The following EXOC6B variants were observed in gnomAD, a reference collection of about 807,000 sequenced individuals.
The protein encoded by EXOC6B is exocyst complex component 6B.
A neutral mutation model predicts 113.5 loss-of-function variants in EXOC6B; 54 were observed. That is an observed-to-expected ratio of 0.48 (90% CI 0.38 to 0.60). EXOC6B has a LOEUF of 0.60. EXOC6B is among the 20% of genes least tolerant of loss of function. The pLI, the probability that EXOC6B is intolerant of heterozygous loss-of-function variation, is 0.00. For synonymous variants in EXOC6B, 357 were observed against 339.0 expected (o/e 1.05, Z -0.58); for missense variants, 797 against 977.5 (o/e 0.82, Z 2.46).
At chr2:72,180,519 G>T (rs1403150990) in intron 21 of EXOC6B, among the ~76,000 whole-genome samples, 1 of 152,210 alleles carries the variant, frequency 6.6e-6, no homozygotes, top group Non-Finnish European at 1.5e-5. Flanking sequence ...AACATGCCAA[G>T]ACAGATTTCT....
At chr2:72,706,236 T>A (rs1433996306) in intron 6 of EXOC6B, among the ~76,000 whole-genome samples, 8 of 152,250 alleles carry the variant, frequency 5.3e-5, no homozygotes, top group East Asian at 1.9e-4. Context: ...TGGAGGAGAA[T>A]AATCACTTTC....
chr2:72,698,262 T>C (rs1319224743), intron 6 of EXOC6B, among the ~76,000 whole-genome samples: 1 of 152,122 alleles, frequency 6.6e-6, no homozygotes, highest in Non-Finnish European at 1.5e-5. Flanking sequence ...GAGAATGGAA[T>C]TAAAGCAATA....
chr2:72,350,294 A>G (rs1277188879), intron 19 of EXOC6B, among the ~76,000 whole-genome samples: 1 of 152,198 alleles, frequency 6.6e-6, no homozygotes, highest in Non-Finnish European at 1.5e-5. Context: ...TATATTTTCT[A>G]GTTTTCCTTC....
chr2:72,607,484 T>C (rs923740326), intron 6 of EXOC6B, among the ~76,000 whole-genome samples: 1 of 152,136 alleles, frequency 6.6e-6, no homozygotes, highest in African/African-American at 2.4e-5. Context: ...ACCTACTCAA[T>C]TTTTTTAAAT....
At position 72,208,785 on chromosome 2, in the gene EXOC6B, T is replaced by C. The variant is rs530406182; in HGVS notation, c.2197-24598A>G. On this transcript the variant is annotated intron_variant, in intron 20 of 21. Coordinates refer to ENST00000272427, the MANE Select transcript of EXOC6B (RefSeq NM_015189.3). The stretch of plus-strand genomic sequence containing the variant: ...TATTCTCTTACTAGAAATCTTCCAA[T>C]GTCACTAAGCATTAAGAAACTCCTT... Among the ~76,000 whole-genome samples, 6 of 152,302 alleles carry C rather than the reference T, an allele frequency of 3.9e-5. No individual in the cohort carries two copies. In the East Asian group the frequency reaches 1.2e-3, roughly 29 times the overall value.
At chr2:72,663,623 C>G (rs978101266) in intron 6 of EXOC6B, among the ~76,000 whole-genome samples, 1 of 151,880 alleles carries the variant, frequency 6.6e-6, no homozygotes, top group African/African-American at 2.4e-5. Flanking sequence ...CTGTTTGATT[C>G]CAAATGTATT....
At position 72,825,233 on chromosome 2, in the gene EXOC6B, T is replaced by G. The variant is rs1212498953; in HGVS notation, c.113+565A>C. Among the ~76,000 whole-genome samples the G allele has an allele frequency of 6.6e-6, 1 of 152,038 alleles. No homozygotes were observed. Among genetic ancestry groups the G allele is most frequent in the Non-Finnish European group, 1.5e-5 (1 of 68,014 alleles). The stretch of plus-strand genomic sequence containing the variant: ...GCTGCACCGTGGGCGAGGGTCGTCC[T>G]CGTAACAGGGAGGCAGGGATAAAGG... On this transcript the variant is annotated intron_variant, in intron 1 of 21. Transcript: ENST00000272427. The surrounding 1 kb of genome is among the most constrained non-coding windows in gnomAD (Gnocchi z 4.4).
intron 20 of EXOC6B, among the ~76,000 whole-genome samples, chr2:72,211,687 C>T (rs1473840289): frequency 2.6e-5 from 4 of 152,172 alleles, no homozygotes; most frequent in Non-Finnish European, 5.9e-5. Context: ...ATACATCTCC[C>T]TAATTCCCAT....
At chr2:72,413,720 G>T (rs1049238401) in intron 18 of EXOC6B, among the ~76,000 whole-genome samples, 1 of 151,912 alleles carries the variant, frequency 6.6e-6, no homozygotes, top group South Asian at 2.1e-4. Context: ...AAAAGATGGG[G>T]CCTCTCTATG....
intron 1 of EXOC6B, among the ~76,000 whole-genome samples, chr2:72,767,640 T>C (rs1683148053): frequency 6.7e-6 from 1 of 148,314 alleles, no homozygotes; most frequent in South Asian, 2.2e-4. Context: ...CAAAACCCCA[T>C]CTCTACAAAA....
intron 8 of EXOC6B, among the ~76,000 whole-genome samples, chr2:72,546,517 C>G (rs1447732008): frequency 6.6e-6 from 1 of 152,122 alleles, no homozygotes; most frequent in South Asian, 2.1e-4. Context: ...TAATTATAGC[C>G]AAGTCCTCAA....
At chr2:72,426,496 A>G (rs1239659262) in intron 18 of EXOC6B, among the ~76,000 whole-genome samples, 1 of 152,142 alleles carries the variant, frequency 6.6e-6, no homozygotes, top group African/African-American at 2.4e-5. Context: ...CATTTATATT[A>G]TAAGAGGGGA....
intron 16 of EXOC6B, among the ~76,000 whole-genome samples, chr2:72,483,628 T>G (rs1023896967): frequency 2.6e-5 from 4 of 152,220 alleles, no homozygotes; most frequent in African/African-American, 9.6e-5. Context: ...TGAGACACTC[T>G]AGGATTACAG....
In EXOC6B at chr2:72,814,694, A is replaced by T. The variant is rs1043404509; in HGVS notation, c.113+11104T>A. Among the ~76,000 whole-genome samples the T allele has an allele frequency of 6.6e-5, 10 of 152,188 alleles. 1 individual carries two copies. The highest frequency in any genetic ancestry group is 5.8e-4 in the East Asian group (3 of 5,196). On this transcript the variant is annotated intron_variant, in intron 1 of 21. Coordinates refer to ENST00000272427, the MANE Select transcript of EXOC6B (RefSeq NM_015189.3). ...GGGAGTTAACAGATCTCAATTTTTT[A>T]AAAAAATTATAATTCTGCCGGGCGT...
At chr2:72,378,167 C>T (rs1691468129) in intron 19 of EXOC6B, among the ~76,000 whole-genome samples, 1 of 152,180 alleles carries the variant, frequency 6.6e-6, no homozygotes, top group Non-Finnish European at 1.5e-5. Flanking sequence ...CTGTTCTCTG[C>T]CAAGCCTCAC....
chr2:72,271,323 C>G (rs1684468246), intron 20 of EXOC6B, among the ~76,000 whole-genome samples: 1 of 152,108 alleles, frequency 6.6e-6, no homozygotes, highest in African/African-American at 2.4e-5. Context: ...AAAATCCTAG[C>G]CTTTTGAATA....
chr2:72,529,835 A>G (rs1029734786), intron 8 of EXOC6B, among the ~76,000 whole-genome samples: 1 of 152,182 alleles, frequency 6.6e-6, no homozygotes, highest in Admixed American at 6.5e-5. Flanking sequence ...TATCCATTTC[A>G]TATTGGGTGA....
chr2:72,452,661 TG>T (rs1269531604), intron 18 of EXOC6B, among the ~76,000 whole-genome samples: 1 of 152,186 alleles, frequency 6.6e-6, no homozygotes, highest in Admixed American at 6.5e-5. Context: ...AAGCATAGTA[TG>T]TTTGGGAATG....
intron 17 of EXOC6B, among the ~76,000 whole-genome samples, chr2:72,468,673 T>A (rs1253602203): frequency 3.3e-5 from 5 of 152,216 alleles, no homozygotes; most frequent in Non-Finnish European, 7.3e-5. Context: ...TTTATTCCTA[T>A]GAAAAATGCA....
Sources: gnomAD v4.1 joint callset for allele counts (sites outside exome capture counted in the v4.1 genomes callset) on GRCh38, gnomAD v4.1.1 for gene constraint, Gnocchi (gnomAD v3.1) non-coding constraint, MANE v1.5 for transcripts, NCBI Gene and HGNC (gene_info 2026-07-23, HGNC 2026-07-21) for gene names.